BTBD8: variants seen among roughly 807,000 people sequenced by gnomAD.
BTBD8 encodes BTB/POZ domain-containing protein 8.
In BTBD8, 110 loss-of-function variants were observed where a neutral mutation model predicts 162.9. The ratio of observed to expected loss-of-function variants is 0.68; its 90% CI spans 0.58 to 0.79. The LOEUF is 0.79. BTBD8 is among the 30% of genes least tolerant of loss of function. The probability of loss-of-function intolerance (pLI) is 0.00; values close to 1 mark genes in which losing one functional copy is unlikely to be tolerated. For synonymous variants in BTBD8, 667 were observed against 716.1 expected, an observed-to-expected ratio of 0.93 and a Z score of 1.10; for missense variants, 1,905 against 2,085.4, an observed-to-expected ratio of 0.91 and a Z score of 1.68.
At chr1:92,145,588 A>G (rs577836693) in intron 7 of BTBD8, among the ~76,000 whole-genome samples, 4 of 152,358 alleles carry the variant, frequency 2.6e-5, no homozygotes, top group African/African-American at 9.6e-5. Flanking sequence ...TGGGCAATAC[A>G]TAGCAAGGAT....
chr1:92,182,545 A>G lies in BTBD8; in HGVS notation c.4862A>G (p.Lys1621Arg). 1 of 1,532,572 alleles carries G rather than the reference A, an allele frequency of 6.5e-7. No individual in the cohort carries two copies. Among genetic ancestry groups the G allele is most frequent in the Non-Finnish European group, 8.8e-7 (1 of 1,142,008 alleles). 94.9% of individuals were successfully genotyped at this position (1,532,572 alleles called of 1,614,324 possible). ...GTTCTGCCTCAGGAAGGTCCAGTGA[A>G]AGAGAGCCATTCTACAACTACTGAA... Reference protein sequence around the residue: ...SQVLPQEGPVKESHSTTTEKA... With the variant: ...SQVLPQEGPVRESHSTTTEKA... The change falls in exon 17 of 18, where the codon AAA (lysine) becomes AGA (arginine). Residue 1621 changes from lysine (K) to arginine (R), a missense_variant. This residue lies in a region of BTBD8 where 517 missense variants were observed against 606.6 expected (regional missense o/e 0.85). Coordinates refer to ENST00000636805, the MANE Select transcript of BTBD8 (RefSeq NM_001376131.1).
chr1:92,167,535 TTATTTC>T (rs1395461553), intron 10 of BTBD8, among the ~76,000 whole-genome samples: 1 of 152,276 alleles, frequency 6.6e-6, no homozygotes, highest in African/African-American at 2.4e-5. Flanking sequence ...CTCCTATTGT[TTATTTC>T]TAGGTTCTGT....
At chr1:92,085,319 C>T (rs766201629) in intron 1 of BTBD8, among the ~76,000 whole-genome samples, 14 of 152,308 alleles carry the variant, frequency 9.2e-5, no homozygotes, top group Admixed American at 2.6e-4. Flanking sequence ...TGGCTGGGCA[C>T]GGTGGCTTAT....
chr1:92,099,025 T>C (rs189047421), intron 2 of BTBD8, among the ~76,000 whole-genome samples: 1 of 152,348 alleles, frequency 6.6e-6, no homozygotes, highest in Admixed American at 6.5e-5. Context: ...TTTGTACTTT[T>C]AGCTTTTCCA....
In BTBD8 at chr1:92,088,818, G is replaced by A; in HGVS notation, c.270G>A (p.Gln90=). The stretch of plus-strand genomic sequence containing the variant: ...ACTTCTATTTTCATACTATTGGACA[G>A]ACATCAAATAGTTTAACAAATCAGG... ...VPDFYFHTIG[Q]TSNSLTNQEP... Residue 90 remains glutamine, a synonymous_variant, in exon 2 of 18, where the codon CAG becomes CAA. Coordinates refer to ENST00000636805, the MANE Select transcript of BTBD8 (RefSeq NM_001376131.1). 6.2e-7 allele frequency: 1 copy of A among 1,613,132 alleles called. No individual in the cohort carries two copies. The highest frequency in any genetic ancestry group is 1.1e-5 in the South Asian group (1 of 90,992).
Position 92,177,241 on chromosome 1 carries a change from A to C in BTBD8, c.2048A>C (p.Asn683Thr). 1.3e-6 allele frequency: 2 copies of C among 1,552,122 alleles called. No homozygotes were observed. Among genetic ancestry groups the C allele is most frequent in the Non-Finnish European group, 1.7e-6 (2 of 1,147,094 alleles). The change falls in exon 14 of 18, where the codon AAT becomes ACT. Residue 683 changes from asparagine (N) to threonine (T), a missense_variant. By Grantham distance (65) the Asn-to-Thr change is moderately conservative. Around this residue, in one of 3 missense-constraint regions of BTBD8, gnomAD observed 1,374 missense variants for 1,442.7 expected, o/e 0.95. Transcript: ENST00000636805. ...KNLLNGKGVR[N>T]QEGQISGARP... ...TTACTAAATGGAAAAGGAGTGAGAA[A>C]TCAGGAAGGGCAAATTTCAGGTGCC...
chr1:92,158,115 C>T (rs949200728), intron 9 of BTBD8, among the ~76,000 whole-genome samples: 1 of 152,046 alleles, frequency 6.6e-6, no homozygotes, highest in Non-Finnish European at 1.5e-5. Flanking sequence ...CACTTCCAGC[C>T]TAAATGTGTT....
At chr1:92,088,661 C>T in intron 1 of BTBD8, 37 bp from the exon 2 acceptor site, 2 of 1,439,684 alleles carry the variant, frequency 1.4e-6, no homozygotes, top group Non-Finnish European at 1.9e-6. Flanking sequence ...TTTTTAGTAT[C>T]ACTAATTAAA....
At chr1:92,171,537 A>C in intron 13 of BTBD8, 77 bp downstream of exon 13, 1 of 959,300 alleles carries the variant, frequency 1.0e-6, no homozygotes, top group South Asian at 2.5e-5. Context: ...ATATTTCAGA[A>C]AAAGTTTTAA....
intron 2 of BTBD8, among the ~76,000 whole-genome samples, chr1:92,097,563 C>A (rs6684317): frequency 2.0e-5 from 3 of 152,070 alleles, no homozygotes; most frequent in Admixed American, 6.5e-5. Flanking sequence ...CAGCCAGCCC[C>A]TGGTGAACAA....
chr1:92,161,290 C>G (rs1474169551), intron 9 of BTBD8, among the ~76,000 whole-genome samples: 1 of 152,196 alleles, frequency 6.6e-6, no homozygotes, highest in Non-Finnish European at 1.5e-5. Flanking sequence ...TTCTTTAGTT[C>G]TAATTCAGTT....
In BTBD8 at chr1:92,129,758, A is replaced by G. The variant is rs1649464604; in HGVS notation, c.734A>G (p.Glu245Gly). Residue 245 changes from glutamate (E) to glycine (G), a missense_variant, in exon 5 of 18, where the codon GAG becomes GGG. By Grantham distance (98) the Glu-to-Gly change is moderately conservative. Around this residue, in one of 3 missense-constraint regions of BTBD8, gnomAD observed 1,374 missense variants for 1,442.7 expected, o/e 0.95. Transcript: ENST00000636805. ...LSGCWAESSQ[E>G]YVTLQGISHV... ...GGCTGTTGGGCTGAAAGCTCCCAAG[A>G]GTACGTTACTCTTCAAGGGTAAGCA... is the stretch of plus-strand genomic sequence containing the variant. 1 of 1,613,728 alleles carries G rather than the reference A, an allele frequency of 6.2e-7. No homozygotes were observed. Among genetic ancestry groups the G allele is most frequent in the South Asian group, 1.1e-5 (1 of 91,080 alleles).
intron 1 of BTBD8, among the ~76,000 whole-genome samples, chr1:92,086,753 G>A (rs1421435241): frequency 6.6e-6 from 1 of 152,170 alleles, no homozygotes; most frequent in East Asian, 1.9e-4. Flanking sequence ...AAAAGGATGA[G>A]TTTGGCTCCT....
At chr1:92,080,772 C>T (rs1371454391) in intron 1 of BTBD8, 52 bp downstream of exon 1, 1 of 1,561,282 alleles carries the variant, frequency 6.4e-7, no homozygotes, top group South Asian at 1.2e-5. Flanking sequence ...CGCCCACCTC[C>T]GCCCCGAAGC....
At chr1:92,128,897 A>G (rs950679115) in intron 4 of BTBD8, among the ~76,000 whole-genome samples, 1 of 151,812 alleles carries the variant, frequency 6.6e-6, no homozygotes, top group Non-Finnish European at 1.5e-5. Flanking sequence ...TAAATTGGTC[A>G]TGGTAGGTTT....
intron 5 of BTBD8, among the ~76,000 whole-genome samples, chr1:92,138,655 A>G (rs370514356): frequency 6.6e-6 from 1 of 152,202 alleles, no homozygotes; most frequent in Non-Finnish European, 1.5e-5. Context: ...TTGTCCACCA[A>G]CCACATGATT....
chr1:92,168,989 C>T lies in BTBD8; in HGVS notation c.1567C>T (p.Gln523Ter). 6.6e-7 allele frequency: 1 copy of T among 1,526,174 alleles called. No individual in the cohort carries two copies. Among genetic ancestry groups the T allele is most frequent in the Non-Finnish European group, 8.9e-7 (1 of 1,127,902 alleles). 94.5% of individuals were successfully genotyped at this position (1,526,174 alleles called of 1,614,324 possible). A position where few individuals can be genotyped will look rare whatever the true frequency, so the allele number is the denominator to read the frequency against. Reference protein sequence around the residue: ...LMSTDDQQKIQAAAFDKGDDR... With the variant: ...LMSTDDQQKI The stretch of plus-strand genomic sequence containing the variant: ...GAGCACAGATGATCAACAGAAAATC[C>T]AAGCAGGTACGTTAGCCTTGAGATA... Residue 523 changes from glutamine to a stop codon, truncating the protein, a stop_gained, in exon 12 of 18, where the codon CAA (glutamine) becomes TAA (stop). Coordinates refer to ENST00000636805, the MANE Select transcript of BTBD8 (RefSeq NM_001376131.1). LOFTEE classifies it high-confidence loss of function.
intron 1 of BTBD8, among the ~76,000 whole-genome samples, chr1:92,087,301 G>A (rs981715206): frequency 6.6e-6 from 1 of 152,012 alleles, no homozygotes; most frequent in African/African-American, 2.4e-5. Context: ...TCACTTGAGG[G>A]GTGGGATGGG....
At chr1:92,109,494 G>A (rs1411550376) in intron 4 of BTBD8, among the ~76,000 whole-genome samples, 12 of 152,018 alleles carry the variant, frequency 7.9e-5, no homozygotes, top group Non-Finnish European at 2.9e-5. Context: ...TTAGGAGCTG[G>A]ACCTAGAATA....
Sources: gnomAD v4.1 joint callset for allele counts (sites outside exome capture counted in the v4.1 genomes callset) on GRCh38, gnomAD v4.1.1 for gene constraint, gnomAD v4.1.1 regional missense constraint, MANE v1.5 for transcripts, NCBI Gene and HGNC (gene_info 2026-07-23, HGNC 2026-07-21) for gene names.